The following ACOT4 variants were observed in gnomAD, a reference collection of about 807,000 sequenced individuals.
ACOT4 encodes the protein acyl-CoA thioesterase 4, also known as peroxisomal succinyl-coenzyme A thioesterase.
ACOT4 carries 18 observed loss-of-function variants against 17.1 expected under a neutral mutation model. The ratio of observed to expected loss-of-function variants is 1.05; its 90% CI spans 0.73 to 1.56. The LOEUF is 1.56. ACOT4 is among the 40% of genes most tolerant of loss of function. The pLI is 0.00. For synonymous variants in ACOT4, 234 were observed against 236.6 expected (o/e 0.99, Z 0.10); for missense variants, 574 against 557.2 (o/e 1.03, Z -0.30).
Position 73,591,913 on chromosome 14 carries a change from G to T in ACOT4, c.-47G>T. The T allele has an allele frequency of 2.2e-6, 3 of 1,344,608 alleles. No homozygotes were observed. The highest frequency in any genetic ancestry group is 2.1e-5 in the South Asian group (1 of 48,732). The allele number at this position is 1,344,608 out of a possible 1,614,324, so 83.3% of individuals were successfully genotyped here. A position where few individuals can be genotyped will look rare whatever the true frequency, so the allele number is the denominator to read the frequency against. ...ATTCGGCGCGCTTGCCACGATCTTG[G>T]ACGGGTCTCGGGCCTCGACCTTTGA... On this transcript the variant is annotated 5_prime_UTR_variant, in exon 1 of 3. Coordinates refer to ENST00000326303, the MANE Select transcript of ACOT4 (RefSeq NM_152331.4).
chr14:73,592,615 G>T (rs892902900), intron 1 of ACOT4, among the ~76,000 whole-genome samples, 199 bp downstream of exon 1: 3 of 152,242 alleles, frequency 2.0e-5, no homozygotes, highest in African/African-American at 7.2e-5. Flanking sequence ...CACTTTGGGA[G>T]GCCGAGATGG....
At position 73,592,356 on chromosome 14, in the gene ACOT4, G is replaced by A. The variant is rs1423574688; in HGVS notation, c.397G>A (p.Gly133Arg). 7 of 1,589,182 alleles carry A rather than the reference G, an allele frequency of 4.4e-6. No homozygotes were observed. The highest frequency in any genetic ancestry group is 6.0e-6 in the Non-Finnish European group (7 of 1,169,758). ...GCACGAGCGCCACTTCCTCCCGCCA[G>A]GGGTGCGGCGCCAGTCGGTGCGAGC... Reference protein sequence around the residue: ...AQHERHFLPPGVRRQSVRAGR... With the variant: ...AQHERHFLPPRVRRQSVRAGR... Residue 133 changes from glycine to arginine, a missense_variant, in exon 1 of 3, where the codon GGG becomes AGG. Coordinates refer to ENST00000326303, the MANE Select transcript of ACOT4 (RefSeq NM_152331.4).
intron 2 of ACOT4, among the ~76,000 whole-genome samples, chr14:73,594,263 AACTT>A (rs754867733): frequency 2.6e-5 from 4 of 152,200 alleles, no homozygotes; most frequent in Non-Finnish European, 5.9e-5. Flanking sequence ...GCCAAGAACA[AACTT>A]ACTTACTCTG....
rs1595178204 is a variant in ACOT4, at chr14:73,592,075, G to T, written c.116G>T (p.Arg39Leu). 1 of 1,484,638 alleles carries T rather than the reference G, an allele frequency of 6.7e-7. No homozygotes were observed. The highest frequency in any genetic ancestry group is 2.8e-5 in the East Asian group (1 of 35,576). 92.0% of individuals were successfully genotyped at this position (1,484,638 alleles called of 1,614,324 possible). ...EQRVTLRASLRDEKGALFRAH... is the reference protein window; with the variant it reads ...EQRVTLRASLLDEKGALFRAH... ...CGGGTTACGCTGCGCGCGTCCCTGC[G>T]CGACGAGAAGGGCGCGCTCTTCCGG... is the stretch of plus-strand genomic sequence containing the variant. Residue 39 changes from arginine to leucine, a missense_variant, in exon 1 of 3, where the codon CGC becomes CTC. Transcript: ENST00000326303.
intron 2 of ACOT4, among the ~76,000 whole-genome samples, chr14:73,594,161 A>G (rs189473583): frequency 1.3e-5 from 2 of 151,544 alleles, no homozygotes; most frequent in East Asian, 3.9e-4. Flanking sequence ...TTTCTAATCT[A>G]CTGTCTTTGC....
Position 73,593,667 on chromosome 14 carries a change from A to G in ACOT4, c.458-35A>G, listed in dbSNP as rs201298692. On this transcript the variant is annotated intron_variant, in intron 1 of 2. Transcript: ENST00000326303. ...CAGGAAAGCAAATTCTTTAAATTGT[A>G]TAATGGCTTACATTTATAATATTTT... The G allele has an allele frequency of 7.9e-4, 1,232 of 1,559,430 alleles. 17 individuals are homozygous for G. The South Asian group carries it at 0.011, about 14-fold the overall frequency.
rs1319146398 is a variant in ACOT4 at position 73,593,961 on chromosome 14, G to A, written c.660+57G>A. On this transcript the variant is annotated intron_variant, in intron 2 of 2. Coordinates refer to ENST00000326303, the MANE Select transcript of ACOT4 (RefSeq NM_152331.4). ...CTCTAGAAATATTTCCATAGAGAGTGTAACCTTTACCACGTGCAGAAATGC... is the reference window on the plus strand; with the variant it reads ...CTCTAGAAATATTTCCATAGAGAGTATAACCTTTACCACGTGCAGAAATGC... 5 of 1,474,748 alleles carry A rather than the reference G, an allele frequency of 3.4e-6. No homozygotes were observed. The Admixed American group carries it at 7.7e-5, about 23-fold the overall frequency. The allele number at this position is 1,474,748 out of a possible 1,614,324, so 91.4% of individuals were successfully genotyped here. A position where few individuals can be genotyped will look rare whatever the true frequency, so the allele number is the denominator to read the frequency against.
intron 1 of ACOT4, 112 bp from the exon 2 acceptor site, chr14:73,593,590 G>A: frequency 4.1e-6 from 4 of 974,442 alleles, no homozygotes; most frequent in Non-Finnish European, 6.0e-6. Flanking sequence ...CAATCCTCCT[G>A]CCTTGGCCTC....
At position 73,595,481 on chromosome 14, in the gene ACOT4, C is replaced by T. The variant is rs1218011310; in HGVS notation, c.1093C>T (p.Pro365Ser). ...YPGTGHYIEP[P>S]YFPLCPASLH... is the part of the protein sequence containing the mutation. ...TGGGACTGGGCATTACATCGAGCCT[C>T]CTTACTTCCCCCTGTGCCCAGCTTC... Residue 365 changes from proline to serine, a missense_variant, in exon 3 of 3, where the codon CCT becomes TCT. Physicochemically the swap from Pro to Ser is moderately conservative, Grantham distance 74. Transcript: ENST00000326303. 5.0e-6 allele frequency: 8 copies of T among 1,613,978 alleles called. No homozygotes were observed. In the Admixed American group the frequency reaches 1.0e-4, roughly 20 times the overall value.
intron 1 of ACOT4, 43 bp downstream of exon 1, chr14:73,592,459 G>A: frequency 6.9e-7 from 1 of 1,457,970 alleles, no homozygotes; most frequent in Non-Finnish European, 9.0e-7. Context: ...TCAGTGGCCT[G>A]AGTCTCCGTT....
At chr14:73,593,336 C>CTTTTTTTTTTTTTTTT (rs60704237) in intron 1 of ACOT4, among the ~76,000 whole-genome samples, 1 of 104,870 alleles carries the variant, frequency 9.5e-6, no homozygotes, top group Non-Finnish European at 1.8e-5. Context: ...TTCTTTCTTT[C>CTTTTTTTTTTTTTTTT]TTTTTTTTTT....
chr14:73,594,846 G>A (rs2010036), intron 2 of ACOT4, among the ~76,000 whole-genome samples: 10,283 of 152,142 alleles, frequency 0.068, 800 homozygotes, highest in African/African-American at 0.19. Flanking sequence ...GATTAGAGGC[G>A]TGCGCCACCA....
In ACOT4 at chr14:73,592,387, G is replaced by C. The variant is rs1438881265; in HGVS notation, c.428G>C (p.Arg143Pro). The change falls in exon 1 of 3, where the codon CGG becomes CCG. Residue 143 changes from arginine (R) to proline (P), a missense_variant. Physicochemically the swap from Arg to Pro is moderately radical, Grantham distance 103 (BLOSUM62 -2). Transcript: ENST00000326303. ...GVRRQSVRAG[R>P]VRATLFLPPG... is the part of the protein sequence containing the mutation. ...CGGCGCCAGTCGGTGCGAGCGGGCC[G>C]GGTGCGCGCCACGCTCTTCCTGCCG... 6.4e-6 allele frequency: 10 copies of C among 1,552,044 alleles called. No individual in the cohort carries two copies. The highest frequency in any genetic ancestry group is 7.8e-6 in the Non-Finnish European group (9 of 1,153,838).
chr14:73,595,713 C>G lies in ACOT4; in HGVS notation c.*59C>G, dbSNP rs547782232. ...GATCAGATTCTAGTGTTCAGTAACC[C>G]TATGTGAATCAGATGTCTCCTGGAT... On this transcript the variant is annotated 3_prime_UTR_variant, in exon 3 of 3. Coordinates refer to ENST00000326303, the MANE Select transcript of ACOT4 (RefSeq NM_152331.4). 4 of 1,484,130 alleles carry G rather than the reference C, an allele frequency of 2.7e-6. No individual in the cohort carries two copies. The South Asian group carries it at 4.4e-5, about 16-fold the overall frequency. 91.9% of individuals were successfully genotyped at this position (1,484,130 alleles called of 1,614,324 possible). A position where few individuals can be genotyped will look rare whatever the true frequency, so the allele number is the denominator to read the frequency against.
At position 73,594,732 on chromosome 14, in the gene ACOT4, G is replaced by A. The variant is rs181727808; in HGVS notation, c.661-317G>A. Among the ~76,000 whole-genome samples the A allele has an allele frequency of 2.5e-3, 383 of 151,126 alleles. 2 individuals carry two copies. Among genetic ancestry groups the A allele is most frequent in the African/African-American group, 8.3e-3 (340 of 41,084 alleles). On this transcript the variant is annotated intron_variant, in intron 2 of 2. Coordinates refer to ENST00000326303, the MANE Select transcript of ACOT4 (RefSeq NM_152331.4). ...TATTTATCTTTTGAGACGGAGTCTC[G>A]CTTTGTCACCCAAGCTGGAGCGCAG...
intron 2 of ACOT4, 122 bp from the exon 3 acceptor site, chr14:73,594,927 A>T (rs1890219991): frequency 1.7e-6 from 2 of 1,201,160 alleles, no homozygotes; most frequent in Non-Finnish European, 2.3e-6. Flanking sequence ...CTGGTCTCAA[A>T]CTCCTGACCT....
chr14:73,591,878 C>G lies in ACOT4; in HGVS notation c.-82C>G. 7.8e-7 allele frequency: 1 copy of G among 1,285,516 alleles called. No individual in the cohort carries two copies. Among genetic ancestry groups the G allele is most frequent in the Non-Finnish European group, 1.0e-6 (1 of 1,001,376 alleles). The allele number at this position is 1,285,516 out of a possible 1,614,324, so 79.6% of individuals were successfully genotyped here. ...TTCCGGCACCAGGGGACGCCGGACGCCGTCCGGACATTCGGCGCGCTTGCC... is the reference window on the plus strand; with the variant it reads ...TTCCGGCACCAGGGGACGCCGGACGGCGTCCGGACATTCGGCGCGCTTGCC... On this transcript the variant is annotated 5_prime_UTR_variant, in exon 1 of 3. Transcript: ENST00000326303.
chr14:73,592,397 C>A lies in ACOT4; in HGVS notation c.438C>A (p.Ala146=). 1 of 1,538,884 alleles carries A rather than the reference C, an allele frequency of 6.5e-7. No individual in the cohort carries two copies. The highest frequency in any genetic ancestry group is 8.7e-7 in the Non-Finnish European group (1 of 1,148,174). Residue 146 remains alanine (A), a synonymous_variant, in exon 1 of 3, where the codon GCC becomes GCA. Transcript: ENST00000326303. The part of the protein sequence containing the change: ...RQSVRAGRVR[A]TLFLPPGPGP... ...CGGTGCGAGCGGGCCGGGTGCGCGC[C>A]ACGCTCTTCCTGCCGCCAGGTGAGC...
rs139322329 is a variant in ACOT4 at position 73,593,798 on chromosome 14, C to T, written c.554C>T (p.Thr185Met). The part of the protein sequence containing the change: ...ASLLAGHGFA[T>M]LALAYYNFED... ...CTCCTTGCTGGCCATGGCTTTGCCA[C>T]GTTGGCTCTAGCTTATTATAACTTT... is the stretch of plus-strand genomic sequence containing the variant. The change falls in exon 2 of 3, where the codon ACG (threonine) becomes ATG (methionine). Residue 185 changes from threonine to methionine, a missense_variant. By Grantham distance (81) the Thr-to-Met change is moderately conservative. Transcript: ENST00000326303. The T allele has an allele frequency of 1.1e-4, 175 of 1,613,902 alleles. 1 individual carries two copies. Among genetic ancestry groups the T allele is most frequent in the Non-Finnish European group, 1.4e-4 (161 of 1,179,910 alleles).
Sources: gnomAD v4.1 joint callset for allele counts (sites outside exome capture counted in the v4.1 genomes callset) on GRCh38, gnomAD v4.1.1 for gene constraint, MANE v1.5 for transcripts, NCBI Gene and HGNC (gene_info 2026-07-23, HGNC 2026-07-21) for gene names.